Variants in SERAC1 observed in about 807,000 individuals in gnomAD.
The protein encoded by SERAC1 is protein SERAC1.
A neutral mutation model predicts 85.7 loss-of-function variants in SERAC1; 36 were observed. That is an observed-to-expected ratio of 0.42 (90% CI 0.32 to 0.55). The LOEUF is 0.55. Among genes scored for constraint, SERAC1 ranks in the 20% least tolerant of loss-of-function variants. The probability of loss-of-function intolerance (pLI) is 0.11; values close to 1 mark genes in which losing one functional copy is unlikely to be tolerated. For missense variants in SERAC1, 629 were observed against 796.2 expected, an observed-to-expected ratio of 0.79 and a Z score of 2.53; for synonymous variants, 242 against 265.3, an observed-to-expected ratio of 0.91 and a Z score of 0.85.
chr6:158,126,298 G>T (rs1784538199), intron 10 of SERAC1, among the ~76,000 whole-genome samples: 1 of 152,128 alleles, frequency 6.6e-6, no homozygotes, highest in Non-Finnish European at 1.5e-5. Flanking sequence ...AAAATATCTT[G>T]TTATACCAGG....
At chr6:158,138,747 C>A (rs553283359) in intron 8 of SERAC1, among the ~76,000 whole-genome samples, 26 of 152,096 alleles carry the variant, frequency 1.7e-4, no homozygotes, top group African/African-American at 5.5e-4. Context: ...CCCTGGCTTC[C>A]AGATGAAAAG....
At chr6:158,164,066 G>A (rs1011173023) in intron 1 of SERAC1, among the ~76,000 whole-genome samples, 4 of 152,016 alleles carry the variant, frequency 2.6e-5, no homozygotes, top group African/African-American at 9.7e-5. Context: ...AAGTCTTGAA[G>A]CTAGTAGTAT....
At chr6:158,111,786 A>G (rs765745214) in intron 16 of SERAC1, 23 of 216,528 alleles carry the variant, frequency 1.1e-4, no homozygotes, top group Non-Finnish European at 2.1e-4. Context: ...ATTGAGCACT[A>G]ACATATTCAA....
chr6:158,114,856 C>G lies in SERAC1; in HGVS notation c.1617G>C (p.Leu539Phe), dbSNP rs1784244846. The change falls in exon 15 of 17, where the codon TTG (leucine) becomes TTC (phenylalanine). Residue 539 changes from leucine (L) to phenylalanine (F), a missense_variant. Leu to Phe is a conservative substitution (Grantham distance 22, BLOSUM62 0). Coordinates refer to ENST00000647468, the MANE Select transcript of SERAC1 (RefSeq NM_032861.4). Reference sequence around the variant, plus strand: ...AGCGAATATTAACAGAGTATTCAGCCAAACGTGATCCATGATGAGGGACAC... The same window carrying G: ...AGCGAATATTAACAGAGTATTCAGCGAAACGTGATCCATGATGAGGGACAC... ...FYSVPHHGSR[L>F]AEYSVNIRYL... 1 of 1,613,858 alleles carries G rather than the reference C, an allele frequency of 6.2e-7. No individual in the cohort carries two copies. Among genetic ancestry groups the G allele is most frequent in the African/African-American group, 1.3e-5 (1 of 74,906 alleles).
At chr6:158,135,832 C>T (rs1436655112) in intron 8 of SERAC1, among the ~76,000 whole-genome samples, 4 of 151,732 alleles carry the variant, frequency 2.6e-5, no homozygotes, top group African/African-American at 4.8e-5. Flanking sequence ...TTTTTTGAGA[C>T]GGAGTCTCAC....
chr6:158,161,324 A>C (rs923764943), intron 1 of SERAC1: 6 of 151,816 alleles, frequency 4.0e-5, no homozygotes, highest in African/African-American at 1.5e-4. Flanking sequence ...CAGAGGTTTC[A>C]GTGAGCCATG....
rs185472055 is a variant in SERAC1, at chr6:158,140,353, T to A, written c.738+2703A>T. On this transcript the variant is annotated intron_variant, in intron 8 of 16. Coordinates refer to ENST00000647468, the MANE Select transcript of SERAC1 (RefSeq NM_032861.4). The stretch of plus-strand genomic sequence containing the variant: ...CACCAAAGGTCAATGAGTCAATCAA[T>A]CATGCCAACTGATTAAAACCATGAA... Among the ~76,000 whole-genome samples the A allele has an allele frequency of 2.6e-4, 39 of 152,302 alleles. No individual in the cohort carries two copies. In the East Asian group the frequency reaches 6.9e-3, roughly 27 times the overall value.
intron 15 of SERAC1, among the ~76,000 whole-genome samples, chr6:158,114,007 C>CAGAT (rs1361114185): frequency 6.6e-6 from 1 of 151,958 alleles, no homozygotes; most frequent in African/African-American, 2.4e-5. Context: ...CAAGAGGCAC[C>CAGAT]AGATAGGCCT....
At chr6:158,146,656 C>A (rs540069169) in intron 6 of SERAC1, 126 bp downstream of exon 6, 7 of 1,144,872 alleles carry the variant, frequency 6.1e-6, no homozygotes, top group Non-Finnish European at 8.7e-6. Flanking sequence ...GTGATCCAAC[C>A]AGCGTGGCCT....
intron 8 of SERAC1, among the ~76,000 whole-genome samples, chr6:158,134,349 G>A (rs1784745636): frequency 1.3e-5 from 2 of 152,146 alleles, no homozygotes; most frequent in Non-Finnish European, 2.9e-5. Context: ...GCCCTAAAAG[G>A]AACCAAGCCT....
intron 15 of SERAC1, 123 bp from the exon 16 acceptor site, chr6:158,113,715 C>A: frequency 1.1e-6 from 1 of 885,878 alleles, no homozygotes; most frequent in Non-Finnish European, 1.7e-6. Context: ...CTTGAGTACA[C>A]ATGTTTATTT....
Position 158,128,122 on chromosome 6 carries a change from G to A in SERAC1, c.1001C>T (p.Ser334Phe), listed in dbSNP as rs377093909. 8.7e-6 allele frequency: 14 copies of A among 1,612,356 alleles called. No individual in the cohort carries two copies. In the African/African-American group the frequency reaches 1.6e-4, roughly 18 times the overall value. ...AAAGCTGTTACCTGAGCGAACTATA[G>A]AAGAATGAAGATGTTCATTCAAAGC... ...NMALNEHLHSSIVRSGWVSIM... is the reference protein window; with the variant it reads ...NMALNEHLHSFIVRSGWVSIM... Residue 334 changes from serine (S) to phenylalanine (F), a missense_variant, in exon 10 of 17, where the codon TCT becomes TTT. By Grantham distance (155) the Ser-to-Phe change is radical. Transcript: ENST00000647468.
Position 158,146,778 on chromosome 6 carries a change from T to C in SERAC1, c.487+4A>G. The C allele has an allele frequency of 1.2e-5, 19 of 1,613,278 alleles. No homozygotes were observed. Among genetic ancestry groups the C allele is most frequent in the Non-Finnish European group, 1.5e-5 (18 of 1,179,456 alleles). ...CATGCCACCTGTTCAGGTAGTCTCA[T>C]TACCATGCCAGTGATGGGTCTCCGA... On this transcript the variant is annotated splice_donor_region_variant and intron_variant, in intron 6 of 16. Transcript: ENST00000647468.
intron 1 of SERAC1, chr6:158,158,567 T>C (rs1402365555): frequency 2.2e-6 from 1 of 461,066 alleles, no homozygotes; most frequent in Admixed American, 3.7e-5. Flanking sequence ...TTTGTTAGAA[T>C]TTTCATTATT....
intron 1 of SERAC1, among the ~76,000 whole-genome samples, chr6:158,162,720 T>C (rs1785514517): frequency 6.6e-6 from 1 of 152,230 alleles, no homozygotes; most frequent in Non-Finnish European, 1.5e-5. Context: ...GTATTTAGAC[T>C]ATCATTCGAT....
intron 8 of SERAC1, 39 bp from the exon 9 acceptor site, chr6:158,130,525 T>C: frequency 1.6e-6 from 2 of 1,263,148 alleles, no homozygotes; most frequent in Non-Finnish European, 1.1e-6. Context: ...TGAAAAAAAG[T>C]GACTAATATT....
At chr6:158,128,603 A>G (rs1351431236) in intron 9 of SERAC1, among the ~76,000 whole-genome samples, 1 of 152,176 alleles carries the variant, frequency 6.6e-6, no homozygotes, top group Admixed American at 6.5e-5. Flanking sequence ...TTGACTTGAA[A>G]TTACCTTAAA....
intron 3 of SERAC1, chr6:158,152,775 T>C (rs1785237612): frequency 6.6e-6 from 1 of 152,230 alleles, no homozygotes. Context: ...CACAGTCACA[T>C]GGCTGCACAG....
At chr6:158,112,490 T>C (rs1044594113) in intron 16 of SERAC1, 1 of 152,120 alleles carries the variant, frequency 6.6e-6, no homozygotes, top group Non-Finnish European at 1.5e-5. Flanking sequence ...CAGCTGTTCT[T>C]TGGAACTCTT....
Sources: allele counts gnomAD v4.1 joint callset (sites outside exome capture counted in the v4.1 genomes callset), GRCh38; gene constraint gnomAD v4.1.1; transcripts MANE v1.5; gene names NCBI Gene and HGNC (gene_info 2026-07-23, HGNC 2026-07-21).